Variants in JAKMIP3 observed in about 807,000 individuals in gnomAD.
JAKMIP3 encodes the protein Janus kinase and microtubule interacting protein 3.
Under a neutral mutation model 118.5 loss-of-function variants are expected in JAKMIP3, and 58 were observed. The ratio of observed to expected loss-of-function variants is 0.49; its 90% CI spans 0.40 to 0.61. The LOEUF (loss-of-function observed/expected upper bound fraction) is 0.61. JAKMIP3 is among the 20% of genes least tolerant of loss of function. The pLI, the probability that JAKMIP3 is intolerant of heterozygous loss-of-function variation, is 0.00. For missense variants in JAKMIP3, 950 were observed against 1,109.0 expected, an observed-to-expected ratio of 0.86 and a Z score of 2.04; for synonymous variants, 486 against 451.2, an observed-to-expected ratio of 1.08 and a Z score of -0.98.
chr10:132,105,180 A>C (rs2045715912), intron 2 of JAKMIP3, among the ~76,000 whole-genome samples: 1 of 152,218 alleles, frequency 6.6e-6, no homozygotes, highest in Non-Finnish European at 1.5e-5. Context: ...GCTCACAGAA[A>C]TTATCCTCTG....
chr10:132,157,069 C>T (rs944820667), intron 19 of JAKMIP3, among the ~76,000 whole-genome samples: 3 of 152,244 alleles, frequency 2.0e-5, no homozygotes, highest in African/African-American at 4.8e-5. Flanking sequence ...CCATGCTTAT[C>T]TGAGGCTTGT....
At chr10:132,134,978 A>G (rs2051451959) in intron 4 of JAKMIP3, 63 bp from the exon 5 acceptor site, 1 of 1,590,502 alleles carries the variant, frequency 6.3e-7, no homozygotes. Context: ...GCGTGCTGGG[A>G]TTTGCAAAGG....
Position 132,102,279 on chromosome 10 carries a change from C to T in JAKMIP3, c.-137-2393C>T, listed in dbSNP as rs148799113. Among the ~76,000 whole-genome samples the T allele has an allele frequency of 1.8e-3, 278 of 152,268 alleles. 5 individuals carry two copies. Among genetic ancestry groups the T allele is most frequent in the Non-Finnish European group, 9.0e-4 (61 of 68,006 alleles). On this transcript the variant is annotated intron_variant, in intron 1 of 23. Coordinates refer to ENST00000684848, the MANE Select transcript of JAKMIP3 (RefSeq NM_001323087.2). ...GGGGAGACAGGCAGTGCGCCGGGCC[C>T]GGCGAGCACCCTCTCCTTTGTAAAT...
intron 1 of JAKMIP3, among the ~76,000 whole-genome samples, chr10:132,045,254 C>T (rs1335040324): frequency 6.6e-6 from 1 of 152,166 alleles, no homozygotes; most frequent in African/African-American, 2.4e-5. Flanking sequence ...GCTGGGTCTG[C>T]GTTTCCCCGG....
At chr10:132,140,914 G>A (rs532003858) in intron 10 of JAKMIP3, among the ~76,000 whole-genome samples, 2 of 152,338 alleles carry the variant, frequency 1.3e-5, no homozygotes, top group East Asian at 3.9e-4. Context: ...CCTTCCTAAG[G>A]GGCCTCCCCA....
intron 4 of JAKMIP3, 51 bp from the exon 5 acceptor site, chr10:132,134,990 T>G: frequency 1.3e-6 from 2 of 1,597,526 alleles, no homozygotes; most frequent in Non-Finnish European, 1.7e-6. Context: ...TTGCAAAGGC[T>G]TCCCAGGCTT....
In JAKMIP3 at chr10:132,076,066, G is replaced by A. The variant is rs976394357; in HGVS notation, c.-138+10005G>A. Among the ~76,000 whole-genome samples the A allele has an allele frequency of 6.3e-4, 96 of 152,224 alleles. 1 individual carries two copies. The highest frequency in any genetic ancestry group is 3.4e-3 in the Middle Eastern group (1 of 294). Reference sequence around the variant, plus strand: ...CACTCAAGTGTGCATTCACGGGATCGTAGTGCATTTACAGAGTTGCACAAC... The same window carrying A: ...CACTCAAGTGTGCATTCACGGGATCATAGTGCATTTACAGAGTTGCACAAC... On this transcript the variant is annotated intron_variant, in intron 1 of 23. Coordinates refer to ENST00000684848, the MANE Select transcript of JAKMIP3 (RefSeq NM_001323087.2).
At chr10:132,159,999 T>TG (rs200883079) in intron 19 of JAKMIP3, among the ~76,000 whole-genome samples, 17 of 10,080 alleles carry the variant, frequency 1.7e-3, no homozygotes, top group African/African-American at 6.1e-3. Context: ...TATGTCTTAC[T>TG]GGGGGGGGCC....
At chr10:132,079,186 C>A (rs1216832058) in intron 1 of JAKMIP3, among the ~76,000 whole-genome samples, 5 of 128,198 alleles carry the variant, frequency 3.9e-5, no homozygotes, top group Admixed American at 2.9e-4. Context: ...GGTCTGTGGA[C>A]CCCGGTAGCC....
intron 13 of JAKMIP3, among the ~76,000 whole-genome samples, chr10:132,147,465 C>T (rs73397670): frequency 0.19 from 29,336 of 152,120 alleles, 3,275 homozygotes; most frequent in East Asian, 0.52. Flanking sequence ...ATTCCGGTGG[C>T]CAGGCAGCCG....
chr10:132,040,542 C>T (rs999939487), intron 1 of JAKMIP3, among the ~76,000 whole-genome samples: 1 of 151,922 alleles, frequency 6.6e-6, no homozygotes, highest in African/African-American at 2.4e-5. Flanking sequence ...TATTCATGAG[C>T]ATTTTTTTAC....
chr10:132,042,402 GTC>G (rs956265950), intron 1 of JAKMIP3, among the ~76,000 whole-genome samples: 16 of 152,210 alleles, frequency 1.1e-4, no homozygotes, highest in African/African-American at 3.9e-4. Context: ...GTAGAGACGG[GTC>G]TCTCTCTTGT....
At position 132,179,477 on chromosome 10, in the gene JAKMIP3, C is replaced by T. The variant is rs146190433; in HGVS notation, c.*1104-2880C>T. Among the ~76,000 whole-genome samples, 204 of 152,274 alleles carry T rather than the reference C, an allele frequency of 1.3e-3. No homozygotes were observed. The highest frequency in any genetic ancestry group is 6.1e-3 in the Admixed American group (94 of 15,306). ...ATGAGGATTATCTGGGTTTCTCCCG[C>T]GGAACCCTTACTGTGGCACTGATAC... On this transcript the variant is annotated intron_variant, in intron 23 of 23. Coordinates refer to ENST00000684848, the MANE Select transcript of JAKMIP3 (RefSeq NM_001323087.2). The surrounding 1 kb of genome is among the most constrained non-coding windows in gnomAD (Gnocchi z 4.3).
chr10:132,102,591 C>T (rs1427268110), intron 1 of JAKMIP3, among the ~76,000 whole-genome samples: 2 of 152,236 alleles, frequency 1.3e-5, no homozygotes, highest in African/African-American at 2.4e-5. Flanking sequence ...CTGTCAGCCC[C>T]GCAGGCTCCT....
Position 132,183,081 on chromosome 10 carries a change from A to G in JAKMIP3, c.*1828A>G, listed in dbSNP as rs2637653. 0.096 allele frequency: 14,685 copies of G among 152,232 alleles called. 774 individuals carry two copies. Among genetic ancestry groups the G allele is most frequent in the Middle Eastern group, 0.14 (40 of 294 alleles). The allele number at this position is 152,232 out of a possible 1,614,324, so 9.4% of individuals were successfully genotyped here. On this transcript the variant is annotated 3_prime_UTR_variant, in exon 24 of 24. Coordinates refer to ENST00000684848, the MANE Select transcript of JAKMIP3 (RefSeq NM_001323087.2). Reference sequence around the variant, plus strand: ...TGAAATCCTGTTTAGTCCTCTGTGCATAGTTTTGTCTCATTTTAACGACTG... The same window carrying G: ...TGAAATCCTGTTTAGTCCTCTGTGCGTAGTTTTGTCTCATTTTAACGACTG...
intron 1 of JAKMIP3, among the ~76,000 whole-genome samples, chr10:132,067,143 C>T (rs998765400): frequency 6.6e-6 from 1 of 152,088 alleles, no homozygotes; most frequent in Non-Finnish European, 1.5e-5. Context: ...TTTACATTCA[C>T]AGCATTACCG....
At chr10:132,065,421 C>T (rs781433202), upstream of JAKMIP3, among the ~76,000 whole-genome samples, 11 of 121,316 alleles carry the variant, frequency 9.1e-5, 1 homozygote, top group Admixed American at 8.2e-4. This position sits in a 1 kb window ranked among gnomAD's most constrained non-coding sequence, Gnocchi z 5.6. Context: ...AAATAGATAC[C>T]CTCAGAGTGG....
intron 1 of JAKMIP3, among the ~76,000 whole-genome samples, chr10:132,085,261 G>C (rs553514380): frequency 7.2e-5 from 11 of 152,124 alleles, no homozygotes; most frequent in South Asian, 2.1e-4. Context: ...TTATTGGTCT[G>C]TTCAGAGTAT....
At chr10:132,077,420 G>A (rs924035747) in intron 1 of JAKMIP3, among the ~76,000 whole-genome samples, 5 of 152,158 alleles carry the variant, frequency 3.3e-5, no homozygotes, top group Non-Finnish European at 5.9e-5. Flanking sequence ...AGGGCACACT[G>A]GGCCACAGGG....
Sources: gnomAD v4.1 joint callset for allele counts (sites outside exome capture counted in the v4.1 genomes callset) on GRCh38, gnomAD v4.1.1 for gene constraint, Gnocchi (gnomAD v3.1) non-coding constraint, MANE v1.5 for transcripts, NCBI Gene and HGNC (gene_info 2026-07-23, HGNC 2026-07-21) for gene names.